PDS5A: variants seen among roughly 807,000 people sequenced by gnomAD.
PDS5A encodes PDS5 cohesin associated factor A, also known as sister chromatid cohesion protein PDS5 homolog A.
A neutral mutation model predicts 167.1 loss-of-function variants in PDS5A; 42 were observed. The observed-to-expected ratio is 0.25, with a 90% CI of 0.20 to 0.33. The LOEUF (loss-of-function observed/expected upper bound fraction) is 0.33. Ranked by LOEUF, PDS5A falls within the 10% of genes least tolerant of loss-of-function variation. The pLI is 1.00. For synonymous variants in PDS5A, 553 were observed against 554.6 expected (o/e 1.00, Z 0.04); for missense variants, 1,033 against 1,605.9 (o/e 0.64, Z 6.10).
intron 21 of PDS5A, among the ~76,000 whole-genome samples, chr4:39,871,195 A>G (rs1719995037): frequency 6.6e-6 from 1 of 152,134 alleles, no homozygotes; most frequent in Non-Finnish European, 1.5e-5. Flanking sequence ...AAAATTCTGG[A>G]GATGGATGGG....
chr4:39,965,722 T>C (rs1432051878), intron 2 of PDS5A, among the ~76,000 whole-genome samples: 3 of 152,008 alleles, frequency 2.0e-5, no homozygotes, highest in Admixed American at 6.6e-5. Flanking sequence ...TAAGATCAAG[T>C]GGAGAGTAAG....
chr4:39,876,620 T>C (rs1490147377), intron 19 of PDS5A, among the ~76,000 whole-genome samples: 2 of 152,188 alleles, frequency 1.3e-5, no homozygotes, highest in Admixed American at 6.5e-5. Context: ...TTTGGTAGGA[T>C]AGCAAAGTGA....
At chr4:39,903,923 T>G (rs1174210909) in intron 12 of PDS5A, 117 bp downstream of exon 12, 1 of 533,332 alleles carries the variant, frequency 1.9e-6, no homozygotes, top group Non-Finnish European at 3.1e-6. Flanking sequence ...TGAATAAACT[T>G]AATTTTATTT....
intron 11 of PDS5A, 112 bp from the exon 12 acceptor site, chr4:39,904,303 T>C (rs550788287): frequency 2.0e-5 from 11 of 546,296 alleles, no homozygotes; most frequent in African/African-American, 1.6e-4. Context: ...CTTTATAAAC[T>C]GGCACACTAT....
intron 32 of PDS5A, among the ~76,000 whole-genome samples, chr4:39,830,452 T>G (rs1264845475): frequency 6.6e-6 from 1 of 152,150 alleles, no homozygotes; most frequent in African/African-American, 2.4e-5. Flanking sequence ...TGAGACAGAG[T>G]ATCACTCTGT....
chr4:39,839,354 G>A (rs1414451610), intron 31 of PDS5A, among the ~76,000 whole-genome samples: 2 of 151,854 alleles, frequency 1.3e-5, no homozygotes, highest in Non-Finnish European at 2.9e-5. Flanking sequence ...GGTGGATCAC[G>A]AGGTCAGGAG....
chr4:39,844,447 C>A (rs1378047226), intron 30 of PDS5A, among the ~76,000 whole-genome samples: 1 of 146,664 alleles, frequency 6.8e-6, no homozygotes, highest in Non-Finnish European at 1.5e-5. Context: ...TGCACTCTAG[C>A]CTGGGCGGGG....
intron 18 of PDS5A, among the ~76,000 whole-genome samples, chr4:39,877,424 A>G (rs1720553655): frequency 6.6e-6 from 1 of 152,196 alleles, no homozygotes; most frequent in African/African-American, 2.4e-5. Context: ...TCTGCTACTT[A>G]GAACACAAAA....
At chr4:39,963,003 TTA>T (rs1729637188) in intron 2 of PDS5A, among the ~76,000 whole-genome samples, 2 of 151,836 alleles carry the variant, frequency 1.3e-5, no homozygotes, top group Admixed American at 6.6e-5. Flanking sequence ...AGAGTAAATT[TTA>T]TATGTTTACC....
chr4:39,907,590 CTTTTTTTTT>C (rs71194936), intron 11 of PDS5A, among the ~76,000 whole-genome samples: 2 of 141,752 alleles, frequency 1.4e-5, no homozygotes. Flanking sequence ...CTTTTCTTTT[CTTTTTTTTT>C]TTTTTGAGAC....
chr4:39,837,161 C>G (rs554042004), intron 32 of PDS5A: 1 of 152,080 alleles, frequency 6.6e-6, no homozygotes, highest in African/African-American at 2.4e-5. Context: ...AATACTGAAG[C>G]AGGATAGTGG....
chr4:39,857,008 A>T (rs1174294696), intron 26 of PDS5A, among the ~76,000 whole-genome samples: 2 of 152,112 alleles, frequency 1.3e-5, no homozygotes, highest in Non-Finnish European at 2.9e-5. Context: ...CTACTATTCA[A>T]ACTAGGTTGT....
At chr4:39,915,722 A>G (rs978335515) in intron 8 of PDS5A, among the ~76,000 whole-genome samples, 1 of 152,146 alleles carries the variant, frequency 6.6e-6, no homozygotes, top group Non-Finnish European at 1.5e-5. Context: ...GAGTAGCACA[A>G]CCTTCTAATA....
chr4:39,902,521 A>AT, intron 12 of PDS5A, 61 bp from the exon 13 acceptor site: 6 of 816,214 alleles, frequency 7.4e-6, no homozygotes, highest in South Asian at 3.7e-5. Flanking sequence ...TTTAAGAAGC[A>AT]ATTTTTTTTT....
At chr4:39,849,021 T>A (rs1717883050) in intron 27 of PDS5A, 51 bp from the exon 28 acceptor site, 1 of 1,225,366 alleles carries the variant, frequency 8.2e-7, no homozygotes, top group African/African-American at 1.5e-5. Context: ...AAAATAATCA[T>A]AATTACCAAT....
Position 39,926,209 on chromosome 4 carries a change from G to T in PDS5A, c.430-276C>A, listed in dbSNP as rs118161989. On this transcript the variant is annotated intron_variant, in intron 4 of 32. Transcript: ENST00000303538. ...AAGAAGCAGTAAAAATCTGTTTTTAGAATAGAAAAAAATAAAAATAAAAAG... is the reference window on the plus strand; with the variant it reads ...AAGAAGCAGTAAAAATCTGTTTTTATAATAGAAAAAAATAAAAATAAAAAG... Among the ~76,000 whole-genome samples the T allele has an allele frequency of 8.1e-4, 123 of 151,914 alleles. 1 individual carries two copies. In the East Asian group the frequency reaches 0.022, roughly 27 times the overall value.
intron 17 of PDS5A, among the ~76,000 whole-genome samples, chr4:39,886,745 A>T (rs977593540): frequency 6.6e-6 from 1 of 151,724 alleles, no homozygotes; most frequent in African/African-American, 2.4e-5. Flanking sequence ...TAATTTTTCC[A>T]TTTCACGAGC....
At chr4:39,938,277 G>A (rs57359491) in intron 2 of PDS5A, among the ~76,000 whole-genome samples, 6,626 of 152,190 alleles carry the variant, frequency 0.044, 454 homozygotes, top group African/African-American at 0.15. Context: ...TGTCTGGGCC[G>A]GGCACGGTGG....
chr4:39,954,691 A>C lies in PDS5A; in HGVS notation c.138+21749T>G, dbSNP rs564254637. ...TAAGTAAAAAAAAAAAAAAAAAAAAAAAAAAACAGAAACAGAGGTGGACCA... is the reference window on the plus strand; with the variant it reads ...TAAGTAAAAAAAAAAAAAAAAAAAACAAAAAACAGAAACAGAGGTGGACCA... On this transcript the variant is annotated intron_variant, in intron 2 of 32. Coordinates refer to ENST00000303538, the MANE Select transcript of PDS5A (RefSeq NM_001100399.2). Among the ~76,000 whole-genome samples the C allele has an allele frequency of 4.2e-3, 629 of 151,326 alleles. 10 individuals carry two copies. The highest frequency in any genetic ancestry group is 0.015 in the African/African-American group (608 of 41,292).
Sources: gnomAD v4.1 joint callset for allele counts (sites outside exome capture counted in the v4.1 genomes callset) on GRCh38, gnomAD v4.1.1 for gene constraint, MANE v1.5 for transcripts, NCBI Gene and HGNC (gene_info 2026-07-23, HGNC 2026-07-21) for gene names.